Variants in EXOC7 observed in about 807,000 individuals in gnomAD.
EXOC7 encodes the protein exocyst complex component 7.
In EXOC7, 51 loss-of-function variants were observed where a neutral mutation model predicts 87.6. The observed-to-expected ratio is 0.58, with a 90% CI of 0.46 to 0.73. The LOEUF is 0.73. EXOC7 is among the 30% of genes least tolerant of loss of function. EXOC7 has a pLI of 0.00. For missense variants in EXOC7, 744 were observed against 888.4 expected (o/e 0.84, Z 2.07); for synonymous variants, 327 against 357.1 (o/e 0.92, Z 0.95).
intron 2 of EXOC7, 47 bp downstream of exon 2, chr17:76,103,314 C>T (rs1463481844): frequency 7.8e-6 from 12 of 1,540,374 alleles, no homozygotes; most frequent in Non-Finnish European, 1.1e-5. Flanking sequence ...AGGCTCTCCC[C>T]CAGGGTCCGG....
Position 76,088,817 on chromosome 17 carries a change from A to G in EXOC7, c.1154T>C (p.Leu385Pro), listed in dbSNP as rs1229474662. 2 of 1,613,802 alleles carry G rather than the reference A, an allele frequency of 1.2e-6. No homozygotes were observed. The highest frequency in any genetic ancestry group is 4.5e-5 in the East Asian group (2 of 44,888). ...AGGCTTGGTCTGCTTGAGGTGTCGCAGGATGGGGAAGACGGTGAGCACCGT... is the reference window on the plus strand; with the variant it reads ...AGGCTTGGTCTGCTTGAGGTGTCGCGGGATGGGGAAGACGGTGAGCACCGT... ...FSTVLTVFPI[L>P]RHLKQTKPEF... is the part of the protein sequence containing the mutation. Residue 385 changes from leucine to proline, a missense_variant, in exon 9 of 19, where the codon CTG becomes CCG. Coordinates refer to ENST00000589210, the MANE Select transcript of EXOC7 (RefSeq NM_001013839.4).
chr17:76,088,800 T>G lies in EXOC7; in HGVS notation c.1171A>C (p.Thr391Pro). The change falls in exon 9 of 19, where the codon ACC becomes CCC. Residue 391 changes from threonine (T) to proline (P), a missense_variant. This residue lies in a region of EXOC7 where 512 missense variants were observed against 573.0 expected (regional missense o/e 0.89). Coordinates refer to ENST00000589210, the MANE Select transcript of EXOC7 (RefSeq NM_001013839.4). ...VFPILRHLKQ[T>P]KPEFDQVLQG... ...AGCACCTGGTCAAACTCAGGCTTGG[T>G]CTGCTTGAGGTGTCGCAGGATGGGG... 6.2e-7 allele frequency: 1 copy of G among 1,613,856 alleles called. No homozygotes were observed. Among genetic ancestry groups the G allele is most frequent in the East Asian group, 2.2e-5 (1 of 44,878 alleles).
intron 5 of EXOC7, among the ~76,000 whole-genome samples, chr17:76,096,045 G>A (rs1021297903): frequency 6.6e-6 from 1 of 152,120 alleles, no homozygotes; most frequent in Non-Finnish European, 1.5e-5. Context: ...TGATCCTAAG[G>A]AGCTCCTGAA....
intron 7 of EXOC7, 121 bp downstream of exon 7, chr17:76,091,022 G>A (rs1598317485): frequency 7.1e-6 from 6 of 840,614 alleles, no homozygotes; most frequent in Admixed American, 3.9e-5. Flanking sequence ...GGGACCTGCC[G>A]TTCCCACCCT....
chr17:76,092,263 CCG>C (rs2067521816), intron 6 of EXOC7: 2 of 152,282 alleles, frequency 1.3e-5, no homozygotes, highest in African/African-American at 4.9e-5. Context: ...CTGCACCGCA[CCG>C]CACCGCACAA....
At position 76,084,273 on chromosome 17, in the gene EXOC7, C is replaced by A; in HGVS notation, c.1793G>T (p.Arg598Leu). Residue 598 changes from arginine (R) to leucine (L), a missense_variant, in exon 17 of 19, where the codon CGG (arginine) becomes CTG (leucine). Physicochemically the swap from Arg to Leu is moderately radical, Grantham distance 102. Coordinates refer to ENST00000589210, the MANE Select transcript of EXOC7 (RefSeq NM_001013839.4). ...QPGVKLRDKERQIIKERFKGF... is the reference protein window; with the variant it reads ...QPGVKLRDKELQIIKERFKGF... ...CTTAAAACGCTCCTTGATAATCTGC[C>A]GCTCCTTGTCCCGGAGCTGGGAAGC... 6.2e-7 allele frequency: 1 copy of A among 1,613,498 alleles called. No homozygotes were observed. The highest frequency in any genetic ancestry group is 8.5e-7 in the Non-Finnish European group (1 of 1,179,992).
At chr17:76,101,634 C>A in intron 3 of EXOC7, 45 bp downstream of exon 3, 1 of 1,560,944 alleles carries the variant, frequency 6.4e-7, no homozygotes. Flanking sequence ...CTCCTGTTGG[C>A]CCAGGAGGCA....
intron 5 of EXOC7, among the ~76,000 whole-genome samples, chr17:76,095,519 C>A (rs1389492800): frequency 6.6e-6 from 1 of 152,096 alleles, no homozygotes; most frequent in Non-Finnish European, 1.5e-5. Context: ...GGTCAAAGAA[C>A]ATGAGCTCTA....
At chr17:76,090,497 G>A (rs752905101) in intron 7 of EXOC7, 4 of 1,550,286 alleles carry the variant, frequency 2.6e-6, no homozygotes, top group Non-Finnish European at 3.5e-6. Flanking sequence ...TCTCCAGGAG[G>A]GGGACGTCAG....
Position 76,097,703 on chromosome 17 carries a change from CAAAAAAAAAAAAAA to C in EXOC7, c.640+79_640+92del, listed in dbSNP as rs57781252. On this transcript the variant is annotated intron_variant, in intron 5 of 18. Transcript: ENST00000589210. ...TGGGCAACAGAGCAAGACTCCATCTCAAAAAAAAAAAAAAAAAAAAAAAAAAAAGAACAAAGGGG... is the reference window on the plus strand; with the variant it reads ...TGGGCAACAGAGCAAGACTCCATCTCAAAAAAAAAAAAAAGAACAAAGGGG... The C allele has an allele frequency of 7.7e-3, 2,449 of 318,404 alleles. 46 individuals are homozygous for C. In the African/African-American group the frequency reaches 0.099, roughly 13 times the overall value. The allele number at this position is 318,404 out of a possible 1,614,324, so 19.7% of individuals were successfully genotyped here. A position where few individuals can be genotyped will look rare whatever the true frequency, so the allele number is the denominator to read the frequency against.
intron 7 of EXOC7, chr17:76,090,847 T>C: frequency 1.9e-6 from 1 of 525,284 alleles, no homozygotes; most frequent in Non-Finnish European, 3.4e-6. Flanking sequence ...GTGAAAGGGC[T>C]GCCCCAAGAC....
chr17:76,085,956 G>A, intron 13 of EXOC7, 124 bp downstream of exon 13: 5 of 1,509,962 alleles, frequency 3.3e-6, no homozygotes, highest in Non-Finnish European at 4.5e-6. Flanking sequence ...TCAGGTTGTG[G>A]TTCCAAAGAT....
At chr17:76,099,151 A>T (rs887622710) in intron 4 of EXOC7, among the ~76,000 whole-genome samples, 3 of 152,232 alleles carry the variant, frequency 2.0e-5, no homozygotes, top group Admixed American at 2.0e-4. Flanking sequence ...TAGCAGCATT[A>T]TTCACAAGAG....
intron 4 of EXOC7, among the ~76,000 whole-genome samples, chr17:76,099,836 T>C (rs1224437247): frequency 1.3e-5 from 2 of 152,162 alleles, no homozygotes; most frequent in African/African-American, 2.4e-5. Flanking sequence ...CAGTGGGTAA[T>C]GCCCGTAATC....
Position 76,088,299 on chromosome 17 carries a change from G to A in EXOC7, c.1299+165C>T, listed in dbSNP as rs1216569370. The A allele has an allele frequency of 3.2e-6, 3 of 929,540 alleles. No homozygotes were observed. In the African/African-American group the frequency reaches 4.9e-5, roughly 15 times the overall value. 57.6% of individuals were successfully genotyped at this position (929,540 alleles called of 1,614,324 possible). A position where few individuals can be genotyped will look rare whatever the true frequency, so the allele number is the denominator to read the frequency against. On this transcript the variant is annotated intron_variant, in intron 10 of 18. Transcript: ENST00000589210. Reference sequence around the variant, plus strand: ...CCTTCCCACTTCAGAGGGCTTGGAGGCCCCAGGAAGGAAAGGAAGGCACAT... The same window carrying A: ...CCTTCCCACTTCAGAGGGCTTGGAGACCCCAGGAAGGAAAGGAAGGCACAT...
At chr17:76,086,997 A>G (rs1049448619) in intron 12 of EXOC7, 3 of 967,280 alleles carry the variant, frequency 3.1e-6, no homozygotes, top group African/African-American at 3.2e-5. Flanking sequence ...TGTCAACCCG[A>G]ATTAAGCAGA....
intron 5 of EXOC7, among the ~76,000 whole-genome samples, chr17:76,096,705 C>T (rs555458040): frequency 3.9e-5 from 6 of 152,146 alleles, no homozygotes; most frequent in Non-Finnish European, 7.4e-5. Flanking sequence ...TACAGGCATG[C>T]GCCACCACGC....
intron 12 of EXOC7, chr17:76,086,749 CCT>C (rs2067229958): frequency 9.9e-7 from 1 of 1,006,876 alleles, no homozygotes; most frequent in Non-Finnish European, 1.5e-6. Flanking sequence ...ACTCATGTCC[CCT>C]CTGACTCAGG....
chr17:76,088,854 G>A lies in EXOC7; in HGVS notation c.1117C>T (p.His373Tyr). ...ACGGTGAGCACCGTGGAGAAGTCGTGTCGCACAATGGCCTTCCGGGCAGCA... is the reference window on the plus strand; with the variant it reads ...ACGGTGAGCACCGTGGAGAAGTCGTATCGCACAATGGCCTTCCGGGCAGCA... ...VSAARKAIVR[H>Y]DFSTVLTVFP... Residue 373 changes from histidine to tyrosine, a missense_variant, in exon 9 of 19, where the codon CAC becomes TAC. Coordinates refer to ENST00000589210, the MANE Select transcript of EXOC7 (RefSeq NM_001013839.4). 4 of 1,613,900 alleles carry A rather than the reference G, an allele frequency of 2.5e-6. No individual in the cohort carries two copies. Among genetic ancestry groups the A allele is most frequent in the Non-Finnish European group, 3.4e-6 (4 of 1,180,026 alleles).
Sources: allele counts gnomAD v4.1 joint callset (sites outside exome capture counted in the v4.1 genomes callset), GRCh38; gene constraint gnomAD v4.1.1; regional missense constraint gnomAD v4.1.1; transcripts MANE v1.5; gene names NCBI Gene and HGNC (gene_info 2026-07-23, HGNC 2026-07-21).